TBC1D10A: variants seen among roughly 807,000 people sequenced by gnomAD.
TBC1D10A encodes EBP50-PDX interactor of 64 kDa.
In TBC1D10A, 24 loss-of-function variants were observed where a neutral mutation model predicts 52.9. The ratio of observed to expected loss-of-function variants is 0.45; its 90% CI spans 0.33 to 0.64. The LOEUF is 0.64. TBC1D10A is among the 30% of genes least tolerant of loss of function. The pLI is 0.02. For synonymous variants in TBC1D10A, 278 were observed against 282.9 expected, an observed-to-expected ratio of 0.98 and a Z score of 0.17; for missense variants, 602 against 687.9, an observed-to-expected ratio of 0.88 and a Z score of 1.40.
chr22:30,293,260 C>T (rs891062313), intron 8 of TBC1D10A: 25 of 605,604 alleles, frequency 4.1e-5, no homozygotes, highest in Non-Finnish European at 4.4e-5. Context: ...GATTCTGCCT[C>T]TGTGAGCCTC....
chr22:30,321,955 T>TCC (rs1930661537), intron 1 of TBC1D10A, among the ~76,000 whole-genome samples: 1 of 151,020 alleles, frequency 6.6e-6, no homozygotes, highest in Non-Finnish European at 1.5e-5. Context: ...GCTGAAAACA[T>TCC]CTTTTTCCTC....
chr22:30,299,615 T>A, intron 2 of TBC1D10A, 64 bp from the exon 3 acceptor site: 1 of 1,480,722 alleles, frequency 6.8e-7, no homozygotes, highest in South Asian at 1.2e-5. Context: ...GCCCAGCCCC[T>A]CTGCCAATGC....
chr22:30,319,376 A>G (rs1280823218), intron 1 of TBC1D10A, among the ~76,000 whole-genome samples: 3 of 152,242 alleles, frequency 2.0e-5, no homozygotes, highest in Non-Finnish European at 4.4e-5. Context: ...GTTCAGTTCT[A>G]TATCTCTTGT....
In TBC1D10A at chr22:30,326,912, G is replaced by T. The variant is rs778425085; in HGVS notation, c.-31C>A. On this transcript the variant is annotated 5_prime_UTR_variant, in exon 1 of 9. Transcript: ENST00000215790. ...CCGCGCCCGCCGCCTGAGCTCCAGC[G>T]GCCACCTCAGCCGCCCTGCTGCCGC... is the stretch of plus-strand genomic sequence containing the variant. The T allele has an allele frequency of 4.2e-6, 6 of 1,443,654 alleles. No homozygotes were observed. The African/African-American group carries it at 5.9e-5, about 14-fold the overall frequency. The allele number at this position is 1,443,654 out of a possible 1,614,324, so 89.4% of individuals were successfully genotyped here. A position where few individuals can be genotyped will look rare whatever the true frequency, so the allele number is the denominator to read the frequency against.
At chr22:30,294,148 G>A (rs1422024647) in intron 6 of TBC1D10A, 38 bp from the exon 7 acceptor site, 2 of 1,601,144 alleles carry the variant, frequency 1.2e-6, no homozygotes, top group African/African-American at 1.3e-5. Flanking sequence ...ATGACCGTGG[G>A]CTGCAGGAGC....
At chr22:30,301,040 T>C (rs1275326417) in intron 2 of TBC1D10A, among the ~76,000 whole-genome samples, 1 of 151,984 alleles carries the variant, frequency 6.6e-6, no homozygotes, top group African/African-American at 2.4e-5. Context: ...TAGGGGAAAA[T>C]TCGTGGGGGA....
intron 1 of TBC1D10A, chr22:30,307,685 T>A (rs1413684965): frequency 6.6e-6 from 1 of 152,236 alleles, no homozygotes; most frequent in African/African-American, 2.4e-5. Context: ...TCAGCAACAG[T>A]AGTTACCATT....
rs1419447359 is a variant in TBC1D10A, at chr22:30,294,861, GC to G, written c.640-1del. ...ATCTGTACCAGGCACCAGAAGGCTT[GC>G]TGTGGGCAAGAGAGATGTGAGGCCT... On this transcript the variant is annotated splice_acceptor_variant, in intron 5 of 8. Coordinates refer to ENST00000215790, the MANE Select transcript of TBC1D10A (RefSeq NM_031937.3). LOFTEE classifies it high-confidence loss of function. 6.2e-7 allele frequency: 1 copy of G among 1,614,048 alleles called. No individual in the cohort carries two copies.
intron 1 of TBC1D10A, among the ~76,000 whole-genome samples, chr22:30,322,677 C>A (rs1930682497): frequency 7.1e-6 from 1 of 141,342 alleles, no homozygotes; most frequent in Non-Finnish European, 1.5e-5. Context: ...TCACGGTAAC[C>A]TCCACCTCCC....
At chr22:30,301,118 T>A (rs919741721) in intron 2 of TBC1D10A, among the ~76,000 whole-genome samples, 1 of 152,198 alleles carries the variant, frequency 6.6e-6, no homozygotes, top group Non-Finnish European at 1.5e-5. Flanking sequence ...ACCTCCTAGC[T>A]GCACCGCACA....
rs548797953 is a variant in TBC1D10A, at chr22:30,292,205, A to C, written c.*170T>G. On this transcript the variant is annotated 3_prime_UTR_variant, in exon 9 of 9. Coordinates refer to ENST00000215790, the MANE Select transcript of TBC1D10A (RefSeq NM_031937.3). ...GTAAAGAAAATAAATAAGGAGGCTC[A>C]GGCAGAATCTGTGTTGGACCAGGCA... 8.7e-6 allele frequency: 5 copies of C among 573,280 alleles called. No homozygotes were observed. The African/African-American group carries it at 9.6e-5, about 11-fold the overall frequency. The allele number at this position is 573,280 out of a possible 1,614,324, so 35.5% of individuals were successfully genotyped here.
intron 8 of TBC1D10A, chr22:30,293,162 T>G: frequency 1.6e-6 from 1 of 633,878 alleles, no homozygotes; most frequent in South Asian, 1.6e-5. Context: ...TGCCAACCTG[T>G]CACCCACCGC....
At chr22:30,313,207 G>A (rs780512440) in intron 1 of TBC1D10A, among the ~76,000 whole-genome samples, 1 of 152,172 alleles carries the variant, frequency 6.6e-6, no homozygotes, top group Non-Finnish European at 1.5e-5. Flanking sequence ...TGGGACAGGT[G>A]GAGCTTCTCC....
intron 1 of TBC1D10A, among the ~76,000 whole-genome samples, chr22:30,320,309 A>G (rs892209856): frequency 6.6e-6 from 1 of 151,964 alleles, no homozygotes; most frequent in Non-Finnish European, 1.5e-5. Context: ...CTTGATGGCC[A>G]TGACCTTTCC....
At chr22:30,311,429 G>T (rs1930423246) in intron 1 of TBC1D10A, among the ~76,000 whole-genome samples, 1 of 152,230 alleles carries the variant, frequency 6.6e-6, no homozygotes, top group Non-Finnish European at 1.5e-5. Flanking sequence ...CCGGCTGGCA[G>T]TGTCCAGGCT....
intron 3 of TBC1D10A, 75 bp from the exon 4 acceptor site, chr22:30,295,918 G>T: frequency 7.3e-7 from 1 of 1,360,852 alleles, no homozygotes; most frequent in Non-Finnish European, 1.0e-6. Flanking sequence ...GCTGCCCAGG[G>T]ATTAGGGGAG....
intron 1 of TBC1D10A, among the ~76,000 whole-genome samples, chr22:30,311,788 C>T (rs1478892873): frequency 2.0e-5 from 3 of 152,118 alleles, no homozygotes; most frequent in African/African-American, 7.2e-5. Context: ...AAGCAGCTCT[C>T]CCTGACAACT....
At chr22:30,299,408 C>A in intron 3 of TBC1D10A, 36 bp downstream of exon 3, 3 of 1,600,240 alleles carry the variant, frequency 1.9e-6, no homozygotes, top group Non-Finnish European at 2.6e-6. Context: ...CCAAGAGATG[C>A]GGAAGGGAGG....
rs1929959403 is a variant in TBC1D10A, at chr22:30,292,300, G to A, written c.*75C>T. 3 of 1,352,132 alleles carry A rather than the reference G, an allele frequency of 2.2e-6. No homozygotes were observed. The highest frequency in any genetic ancestry group is 3.0e-6 in the Non-Finnish European group (3 of 1,002,094). The allele number at this position is 1,352,132 out of a possible 1,614,324, so 83.8% of individuals were successfully genotyped here. A position where few individuals can be genotyped will look rare whatever the true frequency, so the allele number is the denominator to read the frequency against. ...AGGCAGCTTGGCCCTCAGAGGGTGGGCAGGATGTGGAATGTCAGTTCATGA... is the reference window on the plus strand; with the variant it reads ...AGGCAGCTTGGCCCTCAGAGGGTGGACAGGATGTGGAATGTCAGTTCATGA... On this transcript the variant is annotated 3_prime_UTR_variant, in exon 9 of 9. Transcript: ENST00000215790.
Sources: allele counts gnomAD v4.1 joint callset (sites outside exome capture counted in the v4.1 genomes callset), GRCh38; gene constraint gnomAD v4.1.1; transcripts MANE v1.5; gene names NCBI Gene and HGNC (gene_info 2026-07-23, HGNC 2026-07-21).